PLXNA4: variants seen among roughly 807,000 people sequenced by gnomAD.
PLXNA4 encodes the protein plexin-A4.
A neutral mutation model predicts 191.8 loss-of-function variants in PLXNA4; 44 were observed. The observed-to-expected ratio is 0.23, with a 90% confidence interval of 0.18 to 0.29. The LOEUF (loss-of-function observed/expected upper bound fraction) is 0.29. Ranked by LOEUF, PLXNA4 falls within the 10% of genes least tolerant of loss-of-function variation. PLXNA4 has a pLI of 1.00. For synonymous variants in PLXNA4, 1,082 were observed against 1,009.5 expected, an observed-to-expected ratio of 1.07 and a Z score of -1.36; for missense variants, 1,800 against 2,488.8, an observed-to-expected ratio of 0.72 and a Z score of 5.89.
Position 132,127,857 on chromosome 7 carries a change from A to AAAAT in PLXNA4, c.*2618_*2621dup, listed in dbSNP as rs1474663198. 2.0e-5 allele frequency: 3 copies of AAAAT among 150,306 alleles called. No individual in the cohort carries two copies. Among genetic ancestry groups the AAAAT allele is most frequent in the African/African-American group, 4.9e-5 (2 of 40,864 alleles). 9.3% of individuals were successfully genotyped at this position (150,306 alleles called of 1,614,324 possible). A position where few individuals can be genotyped will look rare whatever the true frequency, so the allele number is the denominator to read the frequency against. On this transcript the variant is annotated 3_prime_UTR_variant, in exon 32 of 32. Transcript: ENST00000321063. The stretch of plus-strand genomic sequence containing the variant: ...TTTTCTTATAACAAAAACATGGAAT[A>AAAAT]AAATAAAGTCCTGTACCGCCAAAGT...
chr7:132,242,149 GTATT>G (rs1191937517), intron 4 of PLXNA4, among the ~76,000 whole-genome samples: 1,523 of 147,488 alleles, frequency 0.01, 33 homozygotes, highest in African/African-American at 0.036. Flanking sequence ...TTTACAAAAA[GTATT>G]TTTTTTTTTT....
intron 3 of PLXNA4, among the ~76,000 whole-genome samples, chr7:132,440,346 A>G (rs1795649094): frequency 6.6e-6 from 1 of 152,196 alleles, no homozygotes; most frequent in Non-Finnish European, 1.5e-5. Context: ...CGCAACCAGC[A>G]ACTTTTGAAA....
chr7:132,406,564 C>G (rs1457756845), intron 3 of PLXNA4, among the ~76,000 whole-genome samples: 1 of 152,180 alleles, frequency 6.6e-6, no homozygotes, highest in East Asian at 1.9e-4. Flanking sequence ...TCTGCTCCCT[C>G]CTAGCCAAGT....
intron 2 of PLXNA4, among the ~76,000 whole-genome samples, chr7:132,490,037 A>G (rs941430034): frequency 1.3e-5 from 2 of 152,270 alleles, no homozygotes; most frequent in Non-Finnish European, 2.9e-5. Flanking sequence ...CACTATCACA[A>G]CAGAGGCATG....
intron 3 of PLXNA4, among the ~76,000 whole-genome samples, chr7:132,334,047 A>G (rs924815451): frequency 6.6e-6 from 1 of 152,198 alleles, no homozygotes. Flanking sequence ...AATTGTGATG[A>G]TTTTATAACA....
chr7:132,342,181 G>C (rs112568078), intron 3 of PLXNA4, among the ~76,000 whole-genome samples: 1 of 150,464 alleles, frequency 6.6e-6, no homozygotes, highest in South Asian at 2.2e-4. Context: ...ATTTCCTGCT[G>C]TTAGGGAATT....
intron 3 of PLXNA4, among the ~76,000 whole-genome samples, chr7:132,311,588 T>C (rs1279472115): frequency 1.3e-5 from 2 of 152,112 alleles, no homozygotes; most frequent in Admixed American, 6.5e-5. Flanking sequence ...CAAAAACAAT[T>C]ACTAGAGCTT....
In PLXNA4 at chr7:132,622,961, C is replaced by G. The variant is rs555381420; in HGVS notation, c.-87+22967G>C. On this transcript the variant is annotated intron_variant, in intron 2 of 4. Transcript: ENST00000378539. Reference sequence around the variant, plus strand: ...CTGCCCAGCCAGGTGACTGTCAAAGCTATTTGTGCAGGCTATTGTTCCATA... The same window carrying G: ...CTGCCCAGCCAGGTGACTGTCAAAGGTATTTGTGCAGGCTATTGTTCCATA... Among the ~76,000 whole-genome samples the G allele has an allele frequency of 5.3e-5, 8 of 152,282 alleles. 1 individual carries two copies. Among genetic ancestry groups the G allele is most frequent in the African/African-American group, 1.9e-4 (8 of 41,564 alleles).
chr7:132,171,897 C>T (rs73499335), intron 21 of PLXNA4, among the ~76,000 whole-genome samples: 9,781 of 152,164 alleles, frequency 0.064, 447 homozygotes, highest in Non-Finnish European at 0.079. Flanking sequence ...ATGTAAAGTG[C>T]TTGGCATGCA....
At position 132,124,740 on chromosome 7, in the gene PLXNA4, T is replaced by C. The variant is rs1196789970; in HGVS notation, c.*5739A>G. 1.3e-5 allele frequency: 2 copies of C among 152,154 alleles called. No individual in the cohort carries two copies. Among genetic ancestry groups the C allele is most frequent in the Non-Finnish European group, 1.5e-5 (1 of 68,016 alleles). 9.4% of individuals were successfully genotyped at this position (152,154 alleles called of 1,614,324 possible). A position where few individuals can be genotyped will look rare whatever the true frequency, so the allele number is the denominator to read the frequency against. ...CAGCCCAGAGAGCCAAGCATAGACA[T>C]CAAAGCGGGTGGGAATGGAATAAAG... On this transcript the variant is annotated 3_prime_UTR_variant, in exon 32 of 32. Transcript: ENST00000321063.
At chr7:132,255,523 A>AATT (rs1799402113) in intron 4 of PLXNA4, among the ~76,000 whole-genome samples, 1 of 152,202 alleles carries the variant, frequency 6.6e-6, no homozygotes. Flanking sequence ...TCAATTTTAA[A>AATT]ATTCAACTTT....
chr7:132,183,967 C>G (rs143843038), intron 16 of PLXNA4, among the ~76,000 whole-genome samples: 5 of 152,356 alleles, frequency 3.3e-5, no homozygotes, highest in Non-Finnish European at 2.9e-5. Flanking sequence ...ATAGACAATA[C>G]ATGTACGAGT....
chr7:132,221,500 G>A (rs1364714044), intron 9 of PLXNA4, among the ~76,000 whole-genome samples: 1 of 152,194 alleles, frequency 6.6e-6, no homozygotes, highest in African/African-American at 2.4e-5. Flanking sequence ...CCCCAGCCTT[G>A]GTAGGTCAAC....
chr7:132,617,180 G>A (rs1803172226), intron 2 of PLXNA4, among the ~76,000 whole-genome samples: 1 of 152,174 alleles, frequency 6.6e-6, no homozygotes, highest in African/African-American at 2.4e-5. Flanking sequence ...CTTGGGCATG[G>A]GTTTGTTCTC....
chr7:132,554,374 G>A (rs930324775), intron 1 of PLXNA4, among the ~76,000 whole-genome samples: 7 of 152,122 alleles, frequency 4.6e-5, no homozygotes, highest in Non-Finnish European at 1.0e-4. Flanking sequence ...GACCAGAGCC[G>A]GACTCTCTGC....
chr7:132,527,671 G>A (rs548810450), intron 1 of PLXNA4, among the ~76,000 whole-genome samples: 31 of 152,058 alleles, frequency 2.0e-4, no homozygotes, highest in Admixed American at 3.9e-4. Flanking sequence ...ATGAGGCAAC[G>A]GACCAATAAC....
chr7:132,156,308 A>C (rs1361236559), intron 25 of PLXNA4, among the ~76,000 whole-genome samples: 1 of 152,054 alleles, frequency 6.6e-6, no homozygotes, highest in Non-Finnish European at 1.5e-5. Context: ...GGAGTGGGAG[A>C]GCTCGTCTGA....
At chr7:132,562,316 C>T (rs1452333269) in intron 1 of PLXNA4, among the ~76,000 whole-genome samples, 4 of 120,588 alleles carry the variant, frequency 3.3e-5, no homozygotes, top group East Asian at 2.8e-4. Flanking sequence ...TCTTCCTCCT[C>T]TTCCTCCTCC....
intron 4 of PLXNA4, among the ~76,000 whole-genome samples, chr7:132,267,365 G>A (rs957989899): frequency 5.3e-5 from 8 of 152,190 alleles, no homozygotes; most frequent in Non-Finnish European, 1.0e-4. Flanking sequence ...CCACACAGTC[G>A]CAAAGCCAGG....
Sources: allele counts gnomAD v4.1 joint callset (sites outside exome capture counted in the v4.1 genomes callset), GRCh38; gene constraint gnomAD v4.1.1; transcripts MANE v1.5; gene names NCBI Gene and HGNC (gene_info 2026-07-23, HGNC 2026-07-21).